The following GRIN2B variants were observed in gnomAD, a reference collection of about 807,000 sequenced individuals.
The protein encoded by GRIN2B is glutamate receptor ionotropic, NMDA 2B.
GRIN2B carries 5 observed loss-of-function variants against 114.5 expected under a neutral mutation model. The ratio of observed to expected loss-of-function variants is 0.04; its 90% confidence interval spans 0.02 to 0.09. The LOEUF is 0.09. Among genes scored for constraint, GRIN2B ranks in the 10% least tolerant of loss-of-function variants. The pLI, the probability that GRIN2B is intolerant of heterozygous loss-of-function variation, is 1.00. For missense variants in GRIN2B, 1,108 were observed against 1,943.5 expected (o/e 0.57, Z 8.08); for synonymous variants, 787 against 745.1 (o/e 1.06, Z -0.92).
intron 4 of GRIN2B, among the ~76,000 whole-genome samples, chr12:13,703,178 A>G (rs1459051251): frequency 6.6e-6 from 1 of 152,152 alleles, no homozygotes; most frequent in Non-Finnish European, 1.5e-5. Flanking sequence ...GATTGTATGC[A>G]AGGGTTGGGC....
At chr12:13,595,680 A>G (rs1194381458) in intron 10 of GRIN2B, among the ~76,000 whole-genome samples, 1 of 152,148 alleles carries the variant, frequency 6.6e-6, no homozygotes, top group African/African-American at 2.4e-5. Flanking sequence ...CTCTAGCAGC[A>G]GCCTCTCCTC....
At chr12:13,796,642 G>C (rs1475302313) in intron 3 of GRIN2B, among the ~76,000 whole-genome samples, 2 of 152,170 alleles carry the variant, frequency 1.3e-5, no homozygotes, top group African/African-American at 2.4e-5. Flanking sequence ...GAGATAAACA[G>C]ACTTTATGCT....
At chr12:13,889,757 G>A (rs1866227192) in intron 2 of GRIN2B, among the ~76,000 whole-genome samples, 1 of 152,090 alleles carries the variant, frequency 6.6e-6, no homozygotes, top group South Asian at 2.1e-4. Flanking sequence ...TTTCGCACTG[G>A]CAAAATTGGC....
intron 10 of GRIN2B, among the ~76,000 whole-genome samples, chr12:13,601,736 G>C (rs1019428788): frequency 6.6e-6 from 1 of 151,736 alleles, no homozygotes; most frequent in African/African-American, 2.4e-5. Context: ...CCACAAAAGG[G>C]GAAGGAGTAA....
chr12:13,945,022 T>A (rs969071933), intron 2 of GRIN2B, among the ~76,000 whole-genome samples: 1 of 152,216 alleles, frequency 6.6e-6, no homozygotes, highest in African/African-American at 2.4e-5. Context: ...AAATCACTTC[T>A]CAGATGGCTA....
intron 2 of GRIN2B, among the ~76,000 whole-genome samples, chr12:13,916,328 AC>A (rs1866719839): frequency 6.6e-6 from 1 of 152,204 alleles, no homozygotes; most frequent in Admixed American, 6.5e-5. Flanking sequence ...GAGATCATAA[AC>A]AAATTATCAT....
chr12:13,568,579 C>A (rs1948669469), intron 12 of GRIN2B, among the ~76,000 whole-genome samples: 1 of 152,162 alleles, frequency 6.6e-6, no homozygotes, highest in African/African-American at 2.4e-5. Flanking sequence ...CTATGATTCT[C>A]CTAACTAGTG....
At chr12:13,809,770 C>T (rs1864691824) in intron 3 of GRIN2B, among the ~76,000 whole-genome samples, 1 of 152,184 alleles carries the variant, frequency 6.6e-6, no homozygotes, top group East Asian at 1.9e-4. Context: ...TCTGAATTGG[C>T]CTTTTGTCCC....
intron 5 of GRIN2B, among the ~76,000 whole-genome samples, chr12:13,622,606 T>G (rs1458674096): frequency 6.6e-6 from 1 of 152,142 alleles, no homozygotes; most frequent in Non-Finnish European, 1.5e-5. Flanking sequence ...GACTGGGTAA[T>G]TTATTTTTTT....
chr12:13,700,800 C>A (rs1950304958), intron 4 of GRIN2B, among the ~76,000 whole-genome samples: 1 of 152,126 alleles, frequency 6.6e-6, no homozygotes. Flanking sequence ...TAACTTAACA[C>A]AATAAGTTTG....
intron 10 of GRIN2B, among the ~76,000 whole-genome samples, chr12:13,581,199 C>T (rs111616114): frequency 2.3e-4 from 35 of 152,130 alleles, no homozygotes; most frequent in African/African-American, 8.4e-4. Context: ...AGTCATATGC[C>T]CCATGCTCCC....
Position 13,567,238 on chromosome 12 carries a change from G to A in GRIN2B, c.2385C>T (p.Leu795=). Residue 795 remains leucine, a synonymous_variant, in exon 13 of 14, where the codon CTC becomes CTT. Coordinates refer to ENST00000609686, the MANE Select transcript of GRIN2B (RefSeq NM_000834.5). ...CATTGTGACAAATGCCAGTGAGCCA[G>A]AGAGCTTCCAGTTCTTCCATCTCCC... ...GDGEMEELEA[L]WLTGICHNEK... 6.2e-7 allele frequency: 1 copy of A among 1,613,940 alleles called. No homozygotes were observed. The highest frequency in any genetic ancestry group is 8.5e-7 in the Non-Finnish European group (1 of 1,179,852).
intron 2 of GRIN2B, among the ~76,000 whole-genome samples, chr12:13,872,480 C>T (rs1352368977): frequency 2.7e-5 from 4 of 150,108 alleles, no homozygotes; most frequent in African/African-American, 4.9e-5. Context: ...ATAGTGCTAA[C>T]TAAAACACAG....
Position 13,562,622 on chromosome 12 carries a change from GC to G in GRIN2B, c.*160del. The G allele has an allele frequency of 1.5e-6, 1 of 669,962 alleles. No individual in the cohort carries two copies. Among genetic ancestry groups the G allele is most frequent in the Non-Finnish European group, 2.7e-6 (1 of 375,222 alleles). 41.5% of individuals were successfully genotyped at this position (669,962 alleles called of 1,614,324 possible). ...AGAGATGGTGCTGGTCACCAGGGTT[GC>G]CCCCAGTAGGAACCAGAACTCCAGG... On this transcript the variant is annotated 3_prime_UTR_variant, in exon 14 of 14. Coordinates refer to ENST00000609686, the MANE Select transcript of GRIN2B (RefSeq NM_000834.5).
rs570405627 is a variant in GRIN2B at position 13,713,680 on chromosome 12, T to C, written c.1011-37821A>G. Among the ~76,000 whole-genome samples the C allele has an allele frequency of 1.3e-4, 16 of 125,040 alleles. 1 individual carries two copies. Among genetic ancestry groups the C allele is most frequent in the African/African-American group, 5.1e-4 (15 of 29,618 alleles). 82.0% of individuals were successfully genotyped at this position (125,040 alleles called of 152,430 possible). A position where few individuals can be genotyped will look rare whatever the true frequency, so the allele number is the denominator to read the frequency against. On this transcript the variant is annotated intron_variant, in intron 4 of 13. Transcript: ENST00000609686. The stretch of plus-strand genomic sequence containing the variant: ...AGAATCTGGTTGTTATTTTTGCCTG[T>C]TTTTTTTCTTGCTATCAGGGTCACT...
rs1168217167 is a variant in GRIN2B at position 13,544,891 on chromosome 12, T to G, written c.*17892A>C. ...CATTGTCTGCCCTCTCAGGGTATACTCTCAACACAGCAGTCCCAAAGCTTC... is the reference window on the plus strand; with the variant it reads ...CATTGTCTGCCCTCTCAGGGTATACGCTCAACACAGCAGTCCCAAAGCTTC... On this transcript the variant is annotated 3_prime_UTR_variant, in exon 14 of 14. Coordinates refer to ENST00000609686, the MANE Select transcript of GRIN2B (RefSeq NM_000834.5). 6.6e-6 allele frequency: 1 copy of G among 152,262 alleles called. No homozygotes were observed. Among genetic ancestry groups the G allele is most frequent in the Non-Finnish European group, 1.5e-5 (1 of 68,086 alleles). The allele number at this position is 152,262 out of a possible 1,614,324, so 9.4% of individuals were successfully genotyped here.
At chr12:13,953,962 T>G (rs1459318874) in intron 2 of GRIN2B, among the ~76,000 whole-genome samples, 3 of 152,202 alleles carry the variant, frequency 2.0e-5, no homozygotes, top group Admixed American at 6.5e-5. Flanking sequence ...CCCAAATGTT[T>G]TACTCATCAA....
chr12:13,964,936 G>C (rs920741697), intron 2 of GRIN2B, among the ~76,000 whole-genome samples: 39 of 152,138 alleles, frequency 2.6e-4, no homozygotes, highest in African/African-American at 9.2e-4. Context: ...TCCCACCTTT[G>C]TTGAGAATGT....
At chr12:13,598,030 G>A (rs990447951) in intron 10 of GRIN2B, among the ~76,000 whole-genome samples, 1 of 152,206 alleles carries the variant, frequency 6.6e-6, no homozygotes, top group Non-Finnish European at 1.5e-5. Flanking sequence ...ACTCTAGGGT[G>A]GGGTGGAAGG....
Sources: allele counts gnomAD v4.1 joint callset (sites outside exome capture counted in the v4.1 genomes callset), GRCh38; gene constraint gnomAD v4.1.1; transcripts MANE v1.5; gene names NCBI Gene and HGNC (gene_info 2026-07-23, HGNC 2026-07-21).